RABGEF1: variants seen among roughly 807,000 people sequenced by gnomAD.
The protein encoded by RABGEF1 is rab5 GDP/GTP exchange factor.
Under a neutral mutation model 57.3 loss-of-function variants are expected in RABGEF1, and 26 were observed. The observed-to-expected ratio is 0.45, with a 90% CI of 0.33 to 0.63. The LOEUF (loss-of-function observed/expected upper bound fraction) is 0.63, where lower values mean the gene tolerates loss of function less well. Among genes scored for constraint, RABGEF1 ranks in the 20% least tolerant of loss-of-function variants. The pLI is 0.02. For synonymous variants in RABGEF1, 185 were observed against 210.7 expected (o/e 0.88, Z 1.06); for missense variants, 464 against 607.6 (o/e 0.76, Z 2.48).
At chr7:66,786,578 A>AT (rs1251777405) in intron 4 of RABGEF1, among the ~76,000 whole-genome samples, 1 of 151,820 alleles carries the variant, frequency 6.6e-6, no homozygotes, top group Non-Finnish European at 1.5e-5. Flanking sequence ...TGAGTTTTTT[A>AT]TTTTTTGTAG....
At chr7:66,808,540 G>T (rs1187619814) in intron 8 of RABGEF1, among the ~76,000 whole-genome samples, 1 of 152,104 alleles carries the variant, frequency 6.6e-6, no homozygotes, top group Non-Finnish European at 1.5e-5. Flanking sequence ...ACCACTTGAT[G>T]TTAAAATATT....
At position 66,809,342 on chromosome 7, in the gene RABGEF1, C is replaced by T; in HGVS notation, c.*58C>T. ...TAAATTGTAGGTAGCCCTTACTACA[C>T]TCAACTGATTGGGATCTAGAATGTA... On this transcript the variant is annotated 3_prime_UTR_variant, in exon 9 of 9. Coordinates refer to ENST00000284957, the MANE Select transcript of RABGEF1 (RefSeq NM_014504.3). The T allele has an allele frequency of 6.7e-7, 1 of 1,494,806 alleles. No homozygotes were observed. The highest frequency in any genetic ancestry group is 9.0e-7 in the Non-Finnish European group (1 of 1,106,628). The allele number at this position is 1,494,806 out of a possible 1,614,324, so 92.6% of individuals were successfully genotyped here.
intron 1 of RABGEF1, among the ~76,000 whole-genome samples, chr7:66,741,502 T>G (rs1442554050): frequency 6.6e-6 from 1 of 152,062 alleles, no homozygotes; most frequent in Non-Finnish European, 1.5e-5. Flanking sequence ...GGCTAGGTCA[T>G]AGGCAGCTGG....
rs575420176 is a variant in RABGEF1 at position 66,805,399 on chromosome 7, G to A, written c.1077+3G>A. On this transcript the variant is annotated splice_donor_region_variant and intron_variant, in intron 8 of 8. Coordinates refer to ENST00000284957, the MANE Select transcript of RABGEF1 (RefSeq NM_014504.3). ...ATGGCTACTATTTCACCAATCTGGT[G>A]AGTAAGTGAGTTCTTGGTGTTGTGG... The A allele has an allele frequency of 3.7e-6, 6 of 1,613,752 alleles. No homozygotes were observed. In the South Asian group the frequency reaches 5.5e-5, roughly 15 times the overall value.
intron 1 of RABGEF1, chr7:66,770,419 G>A (rs1806807187): frequency 6.6e-6 from 1 of 152,150 alleles, no homozygotes; most frequent in Non-Finnish European, 1.5e-5. Context: ...CTGAACAAAT[G>A]AGTTTAAATA....
intron 1 of RABGEF1, among the ~76,000 whole-genome samples, chr7:66,743,796 TG>T (rs1463305430): frequency 6.6e-6 from 1 of 151,992 alleles, no homozygotes; most frequent in African/African-American, 2.4e-5. Flanking sequence ...CCACCACACT[TG>T]GGCTAAATTT....
upstream of RABGEF1, among the ~76,000 whole-genome samples, chr7:66,739,117 A>G (rs1798414344): frequency 6.6e-6 from 1 of 151,690 alleles, no homozygotes; most frequent in Non-Finnish European, 1.5e-5. Context: ...TGCCTGGCTA[A>G]TTTTGTATTT....
chr7:66,778,838 A>G (rs1257112268), intron 3 of RABGEF1, among the ~76,000 whole-genome samples: 1 of 152,210 alleles, frequency 6.6e-6, no homozygotes. Context: ...CAATAAGGCC[A>G]GGCACGGTGG....
chr7:66,716,923 C>T lies in RABGEF1; in HGVS notation c.-815+4699C>T, dbSNP rs545469433. The stretch of plus-strand genomic sequence containing the variant: ...CCTCCTGAGTAGCTGGCACTACAGG[C>T]GACCACTGCCATACCCCACTAAGTT... On this transcript the variant is annotated intron_variant and NMD_transcript_variant, in intron 2 of 9. Transcript: ENST00000607882. Among the ~76,000 whole-genome samples, 4 of 152,238 alleles carry T rather than the reference C, an allele frequency of 2.6e-5. No homozygotes were observed. In the East Asian group the frequency reaches 5.8e-4, roughly 22 times the overall value.
At chr7:66,668,863 G>GA in the RABGEF1 span, 3 of 152,492 alleles carry the variant, frequency 2.0e-5, no homozygotes, top group African/African-American at 7.2e-5. Flanking sequence ...AACCTTGCAA[G>GA]AAAGAGGCTG....
chr7:66,694,974 A>G (rs937537345), intron 1 of RABGEF1, among the ~76,000 whole-genome samples: 2 of 151,988 alleles, frequency 1.3e-5, no homozygotes, highest in African/African-American at 4.8e-5. Flanking sequence ...TGACCCAGGG[A>G]GAGTATGGTG....
Position 66,716,625 on chromosome 7 carries a change from ACAG to A in RABGEF1, c.-815+4407_-815+4409del, listed in dbSNP as rs201266229. Among the ~76,000 whole-genome samples the A allele has an allele frequency of 9.3e-3, 1,418 of 152,094 alleles. 65 individuals are homozygous for A. Among genetic ancestry groups the A allele is most frequent in the Admixed American group, 0.072 (1,100 of 15,256 alleles). On this transcript the variant is annotated intron_variant and NMD_transcript_variant, in intron 2 of 9. Coordinates refer to the RABGEF1 transcript ENST00000607882. ...CAGAATAAATAAATAAATAAATAAA[ACAG>A]CAGCAACAAAATGTATAGTCATGTC...
chr7:66,781,292 T>G (rs763997911), intron 3 of RABGEF1, among the ~76,000 whole-genome samples: 57 of 152,300 alleles, frequency 3.7e-4, no homozygotes, highest in Non-Finnish European at 7.6e-4. Flanking sequence ...AAAAAAAAAT[T>G]AAAACAGTAG....
chr7:66,708,635 C>T (rs1257909398), intron 1 of RABGEF1, among the ~76,000 whole-genome samples: 1 of 152,058 alleles, frequency 6.6e-6, no homozygotes, highest in Non-Finnish European at 1.5e-5. Flanking sequence ...GAGACTCCAT[C>T]TCTACAAAAA....
chr7:66,735,599 G>C (rs1022942676), intron 2 of RABGEF1, among the ~76,000 whole-genome samples: 3 of 152,204 alleles, frequency 2.0e-5, no homozygotes, highest in Admixed American at 1.3e-4. Context: ...ATCATTGTGG[G>C]GGGGGTTTCC....
chr7:66,720,678 A>G (rs1221089726), intron 2 of RABGEF1, among the ~76,000 whole-genome samples: 10 of 152,160 alleles, frequency 6.6e-5, no homozygotes, highest in Non-Finnish European at 7.3e-5. Flanking sequence ...CATTTAGCAT[A>G]GTACTAGAGG....
chr7:66,778,148 C>G (rs959761598), intron 3 of RABGEF1, among the ~76,000 whole-genome samples: 54 of 152,156 alleles, frequency 3.5e-4, no homozygotes, highest in Non-Finnish European at 7.2e-4. Flanking sequence ...TGTATTAGGT[C>G]TAGACTAGAA....
chr7:66,690,081 T>C (rs940698888), intron 1 of RABGEF1, among the ~76,000 whole-genome samples: 1 of 149,018 alleles, frequency 6.7e-6, no homozygotes, highest in Non-Finnish European at 1.5e-5. Flanking sequence ...ATATTGTTTA[T>C]AAACATTGAT....
chr7:66,684,744 C>T (rs1790340826), intron 1 of RABGEF1, among the ~76,000 whole-genome samples: 2 of 152,176 alleles, frequency 1.3e-5, no homozygotes, highest in African/African-American at 4.8e-5. Context: ...ATGCCATTCT[C>T]CTGCTTCAGT....
Sources: allele counts gnomAD v4.1 joint callset (sites outside exome capture counted in the v4.1 genomes callset), GRCh38; gene constraint gnomAD v4.1.1; transcripts MANE v1.5; gene names NCBI Gene and HGNC (gene_info 2026-07-23, HGNC 2026-07-21).